The following IDUA variants were observed in gnomAD, a reference collection of about 807,000 sequenced individuals.
IDUA encodes alpha-L-iduronidase.
In IDUA, 65 loss-of-function variants were observed where a neutral mutation model predicts 68.9. The ratio of observed to expected loss-of-function variants is 0.94; its 90% CI spans 0.77 to 1.16. The LOEUF is 1.16. Ranked by LOEUF, IDUA falls within the 50% of genes most tolerant of loss-of-function variation. The pLI is 0.00. For synonymous variants in IDUA, 529 were observed against 433.6 expected, an observed-to-expected ratio of 1.22 and a Z score of -2.73; for missense variants, 1,046 against 938.0, an observed-to-expected ratio of 1.12 and a Z score of -1.50.
Position 987,953 on chromosome 4 carries a change from G to A in IDUA, c.299+4G>A. On this transcript the variant is annotated splice_donor_region_variant and intron_variant, in intron 2 of 13. Coordinates refer to ENST00000514224, the MANE Select transcript of IDUA (RefSeq NM_000203.5). The stretch of plus-strand genomic sequence containing the variant: ...TGCTGGAGCTTGTCACCACCAGGTG[G>A]GCGGCGGGCAGGGTCTGGGCGTCCC... 6.4e-7 allele frequency: 1 copy of A among 1,569,698 alleles called. No individual in the cohort carries two copies. Among genetic ancestry groups the A allele is most frequent in the South Asian group, 1.2e-5 (1 of 86,228 alleles).
chr4:994,868 A>T (rs981225013), intron 2 of IDUA, among the ~76,000 whole-genome samples: 1 of 152,038 alleles, frequency 6.6e-6, no homozygotes, highest in Non-Finnish European at 1.5e-5. Context: ...TGAGGCTGCC[A>T]TGAGGTATGA....
At chr4:989,244 G>A (rs111355520) in intron 2 of IDUA, 39 of 1,612,592 alleles carry the variant, frequency 2.4e-5, no homozygotes, top group African/African-American at 2.4e-4. Context: ...TGCACCCTGC[G>A]TCCAGCCCCG....
intron 10 of IDUA, 65 bp downstream of exon 10, chr4:1,003,222 G>A: frequency 7.8e-7 from 1 of 1,277,978 alleles, no homozygotes; most frequent in Non-Finnish European, 9.9e-7. Flanking sequence ...TGGGGTCCGG[G>A]GCGGGGGCTC....
intron 8 of IDUA, 111 bp downstream of exon 8, chr4:1,002,596 G>T: frequency 8.2e-7 from 1 of 1,216,768 alleles, no homozygotes; most frequent in Non-Finnish European, 1.1e-6. Flanking sequence ...CGCTTCCCGG[G>T]GTCGGCCTCC....
chr4:998,031 G>A (rs1386647202), intron 2 of IDUA, among the ~76,000 whole-genome samples: 1 of 152,252 alleles, frequency 6.6e-6, no homozygotes, highest in Non-Finnish European at 1.5e-5. Flanking sequence ...AACTCCGTGG[G>A]ACTTTGGAAT....
intron 5 of IDUA, 39 bp from the exon 6 acceptor site, chr4:1,001,640 C>G: frequency 2.5e-6 from 4 of 1,606,178 alleles, no homozygotes; most frequent in Non-Finnish European, 3.4e-6. Context: ...AGCCGCTCAT[C>G]CCCAGGGCAG....
At chr4:990,605 A>G (rs1438944750) in intron 2 of IDUA, 4 of 569,010 alleles carry the variant, frequency 7.0e-6, no homozygotes, top group Non-Finnish European at 6.3e-6. Context: ...CTGGCCATAG[A>G]CACGTCTAAC....
At chr4:995,712 C>G (rs528983569) in intron 2 of IDUA, among the ~76,000 whole-genome samples, 1 of 152,230 alleles carries the variant, frequency 6.6e-6, no homozygotes, top group Non-Finnish European at 1.5e-5. Context: ...GGGGCACAGC[C>G]CCGGAGGGAG....
At chr4:992,625 G>A (rs939156403) in intron 2 of IDUA, 1 of 186,264 alleles carries the variant, frequency 5.4e-6, no homozygotes, top group African/African-American at 2.4e-5. Flanking sequence ...GCTCACTGTG[G>A]AACGGCCATG....
rs371021597 is a variant in IDUA at position 1,001,718 on chromosome 4, G to A, written c.629G>A (p.Arg210His). The A allele has an allele frequency of 5.6e-6, 9 of 1,598,790 alleles. No homozygotes were observed. The African/African-American group carries it at 9.4e-5, about 17-fold the overall frequency. ...NYYDACSEGLRAASPALRLGG... is the reference protein window; with the variant it reads ...NYYDACSEGLHAASPALRLGG... ...TACGATGCCTGCTCGGAGGGTCTGC[G>A]CGCCGCCAGCCCCGCCCTGCGGCTG... The change falls in exon 6 of 14, where the codon CGC (arginine) becomes CAC (histidine). Residue 210 changes from arginine (R) to histidine (H), a missense_variant. Transcript: ENST00000514224.
In IDUA at chr4:987,946, C is replaced by T. The variant is rs147490060; in HGVS notation, c.296C>T (p.Thr99Ile). 1,581 of 1,577,294 alleles carry T rather than the reference C, an allele frequency of 1.0e-3. 15 individuals carry two copies. In the African/African-American group the frequency reaches 0.019, roughly 19 times the overall value. Residue 99 changes from threonine to isoleucine, a missense_variant, in exon 2 of 14, where the codon ACC (threonine) becomes ATC (isoleucine). Thr to Ile is a moderately conservative substitution (Grantham distance 89, BLOSUM62 -1). Coordinates refer to ENST00000514224, the MANE Select transcript of IDUA (RefSeq NM_000203.5). ...RTHWLLELVT[T>I]RGSTGRGLSY... ...CACTGGCTGCTGGAGCTTGTCACCA[C>T]CAGGTGGGCGGCGGGCAGGGTCTGG... is the stretch of plus-strand genomic sequence containing the variant.
chr4:991,844 G>A, intron 2 of IDUA: 1 of 1,525,636 alleles, frequency 6.6e-7, no homozygotes. Flanking sequence ...CCAGGGCCGG[G>A]GATTGGTGCT....
chr4:990,491 G>T, intron 2 of IDUA: 1 of 944,012 alleles, frequency 1.1e-6, no homozygotes, highest in Non-Finnish European at 1.5e-6. Context: ...GCGGCCCCGT[G>T]TGTTCCAAAC....
intron 2 of IDUA, among the ~76,000 whole-genome samples, chr4:995,600 G>A (rs1376764322): frequency 1.3e-5 from 2 of 152,242 alleles, no homozygotes; most frequent in Non-Finnish European, 2.9e-5. Context: ...GAAGCCACAG[G>A]CTCTACTTCT....
intron 2 of IDUA, chr4:991,270 C>T (rs764183197): frequency 1.2e-6 from 2 of 1,612,628 alleles, no homozygotes; most frequent in South Asian, 1.1e-5. Flanking sequence ...GGGGTCAAAG[C>T]CGGCCAGCTG....
intron 2 of IDUA, among the ~76,000 whole-genome samples, chr4:997,410 C>T (rs1406021948): frequency 6.6e-6 from 1 of 151,154 alleles, no homozygotes; most frequent in African/African-American, 2.4e-5. Flanking sequence ...GCCTGCGAAC[C>T]CCCATGCACG....
At chr4:992,585 G>A (rs909797057) in intron 2 of IDUA, 6 of 203,514 alleles carry the variant, frequency 2.9e-5, no homozygotes, top group East Asian at 1.5e-4. Flanking sequence ...GTTCTGGGAC[G>A]TGAGGCGCCC....
intron 2 of IDUA, chr4:989,902 A>C: frequency 6.4e-7 from 1 of 1,564,816 alleles, no homozygotes; most frequent in Non-Finnish European, 8.7e-7. Context: ...GGCCAGGGCC[A>C]CGGCATCCAA....
chr4:990,596 T>C (rs997967150), intron 2 of IDUA: 124 of 579,092 alleles, frequency 2.1e-4, no homozygotes, highest in Non-Finnish European at 3.4e-4. Context: ...TGCACACAGC[T>C]GGCCATAGAC....
Sources: gnomAD v4.1 joint callset for allele counts (sites outside exome capture counted in the v4.1 genomes callset) on GRCh38, gnomAD v4.1.1 for gene constraint, MANE v1.5 for transcripts, NCBI Gene and HGNC (gene_info 2026-07-23, HGNC 2026-07-21) for gene names.